Variants in FATE1 observed in about 807,000 individuals in gnomAD.
FATE1 encodes fetal and adult testis expressed 1.
FATE1 carries 18 observed loss-of-function variants against 16.0 expected under a neutral mutation model. The observed-to-expected ratio is 1.12, with a 90% CI of 0.78 to 1.66. The LOEUF (loss-of-function observed/expected upper bound fraction) is 1.66, where lower values mean the gene tolerates loss of function less well. Among genes scored for constraint, FATE1 ranks in the 40% most tolerant of loss-of-function variants. The pLI is 0.00. For synonymous variants in FATE1, 76 were observed against 56.9 expected, an observed-to-expected ratio of 1.34 and a Z score of -1.51; for missense variants, 169 against 152.7, an observed-to-expected ratio of 1.11 and a Z score of -0.56.
At chrX:151,718,239 G>GAA (rs1569424987) in intron 2 of FATE1, among the ~76,000 whole-genome samples, 217 of 110,801 alleles carry the variant, frequency 2.0e-3, no homozygotes, top group African/African-American at 6.3e-3. Flanking sequence ...AAGAAAGAAA[G>GAA]AGAGAAAGAA....
chrX:151,718,164 GGAA>G (rs2015080885), intron 2 of FATE1, among the ~76,000 whole-genome samples: 1 of 86,247 alleles, frequency 1.2e-5, no homozygotes, highest in African/African-American at 4.9e-5. Context: ...AAGGAAGGAA[GGAA>G]GGAAGGGGAA....
In FATE1 at chrX:151,721,558, G is replaced by A; in HGVS notation, c.341+57G>A. The A allele has an allele frequency of 6.6e-6, 7 of 1,059,566 alleles. No homozygotes were observed. The South Asian group carries it at 9.4e-5, about 14-fold the overall frequency. 87.3% of individuals were successfully genotyped at this position (1,059,566 alleles called of 1,213,427 possible). A position where few individuals can be genotyped will look rare whatever the true frequency, so the allele number is the denominator to read the frequency against. On this transcript the variant is annotated intron_variant, in intron 3 of 4. Coordinates refer to ENST00000370350, the MANE Select transcript of FATE1 (RefSeq NM_033085.3). ...CTCAGACAGGGCCCGGAGTGGGGCA[G>A]AGGGGCTGGTGAGCAGCCTGGCCAG...
In FATE1 at chrX:151,716,090, C is replaced by A. The variant is rs1189961187; in HGVS notation, c.-30C>A. ...TTCCTGGCACCCTGTGCATCCTTAG[C>A]CATAGCTTACAAGAGAACAGCTGGT... On this transcript the variant is annotated 5_prime_UTR_variant, in exon 1 of 5. Coordinates refer to ENST00000370350, the MANE Select transcript of FATE1 (RefSeq NM_033085.3). 7.1e-6 allele frequency: 8 copies of A among 1,130,873 alleles called. No homozygotes were observed. The South Asian group carries it at 1.6e-4, about 23-fold the overall frequency. The allele number at this position is 1,130,873 out of a possible 1,213,427, so 93.2% of individuals were successfully genotyped here.
In FATE1 at chrX:151,721,485, C is replaced by T. The variant is rs748489127; in HGVS notation, c.325C>T (p.Arg109Cys). 45 of 1,209,868 alleles carry T rather than the reference C, an allele frequency of 3.7e-5. No homozygotes were observed. Among genetic ancestry groups the T allele is most frequent in the East Asian group, 5.9e-5 (2 of 33,816 alleles). ...QEYAGNFQGI[R>C]FHYDRNPGTD... The stretch of plus-strand genomic sequence containing the variant: ...GTACGCTGGCAATTTCCAAGGCATA[C>T]GTTTCCATTATGATCGGTAAGAGCT... Residue 109 changes from arginine to cysteine, a missense_variant, in exon 3 of 5, where the codon CGT becomes TGT. Physicochemically the swap from Arg to Cys is radical, Grantham distance 180. Coordinates refer to ENST00000370350, the MANE Select transcript of FATE1 (RefSeq NM_033085.3).
At chrX:151,721,591 T>G in intron 3 of FATE1, 90 bp downstream of exon 3, 1 of 812,944 alleles carries the variant, frequency 1.2e-6, no homozygotes, top group African/African-American at 2.0e-5. Flanking sequence ...CAGGATGGAG[T>G]CATGAGGGCC....
intron 1 of FATE1, 62 bp downstream of exon 1, chrX:151,716,287 G>T: frequency 2.2e-6 from 2 of 924,854 alleles, no homozygotes; most frequent in Non-Finnish European, 3.0e-6. Context: ...GTCTATACCT[G>T]TGCATGTGTG....
chrX:151,718,995 A>G (rs375363816), intron 2 of FATE1, among the ~76,000 whole-genome samples: 229 of 112,161 alleles, frequency 2.0e-3, no homozygotes, highest in African/African-American at 7.2e-3. Flanking sequence ...TTTTGTGTCC[A>G]AAGACAGAAG....
chrX:151,722,505 C>G, intron 4 of FATE1, 123 bp from the exon 5 acceptor site: 1 of 1,050,737 alleles, frequency 9.5e-7, no homozygotes, highest in Non-Finnish European at 1.3e-6. Flanking sequence ...GGGCGCTCCC[C>G]GCTCCACCGC....
chrX:151,716,253 C>T, intron 1 of FATE1, 28 bp downstream of exon 1: 1 of 1,099,628 alleles, frequency 9.1e-7, no homozygotes, highest in Non-Finnish European at 1.2e-6. Context: ...TACCCCTAGG[C>T]TACAGCCAAC....
At position 151,717,332 on chromosome X, in the gene FATE1, A is replaced by C. The variant is rs1483828691; in HGVS notation, c.167A>C (p.Gln56Pro). The change falls in exon 2 of 5, where the codon CAA becomes CCA. Residue 56 changes from glutamine to proline, a missense_variant. Physicochemically the swap from Gln to Pro is moderately conservative, Grantham distance 76 (BLOSUM62 -1). Coordinates refer to ENST00000370350, the MANE Select transcript of FATE1 (RefSeq NM_033085.3). ...TCCCAGAAGAAGCAGAAGTTGGAAC[A>C]AAAAGCTGCTGGCTCTGCTTCAGCC... ...GASQKKQKLE[Q>P]KAAGSASAKR... 1 of 1,208,926 alleles carries C rather than the reference A, an allele frequency of 8.3e-7. No individual in the cohort carries two copies. Among genetic ancestry groups the C allele is most frequent in the South Asian group, 1.8e-5 (1 of 56,891 alleles).
intron 4 of FATE1, among the ~76,000 whole-genome samples, chrX:151,722,254 T>C (rs1368286367): frequency 8.9e-6 from 1 of 111,919 alleles, no homozygotes. Flanking sequence ...ATAAGGGTTC[T>C]ATGTCCAGAG....
At chrX:151,719,753 G>A (rs921388703) in intron 2 of FATE1, among the ~76,000 whole-genome samples, 2 of 112,631 alleles carry the variant, frequency 1.8e-5, no homozygotes, top group Non-Finnish European at 3.7e-5. Flanking sequence ...ACAGAGTGCA[G>A]TGGCAAAGTT....
intron 1 of FATE1, among the ~76,000 whole-genome samples, chrX:151,717,008 A>G (rs1178615263): frequency 8.9e-6 from 1 of 111,851 alleles, no homozygotes; most frequent in Non-Finnish European, 1.9e-5. Context: ...GTTCCTTGAT[A>G]GCTGGAATCT....
intron 2 of FATE1, among the ~76,000 whole-genome samples, chrX:151,718,160 GGAAGGAA>G (rs1569424948): frequency 9.9e-5 from 9 of 90,527 alleles, no homozygotes; most frequent in South Asian, 5.4e-4. Flanking sequence ...AAGGAAGGAA[GGAAGGAA>G]GGAAGGGGAA....
intron 3 of FATE1, 26 bp downstream of exon 3, chrX:151,721,527 T>G: frequency 3.1e-5 from 35 of 1,136,896 alleles, no homozygotes; most frequent in Non-Finnish European, 4.0e-5. Context: ...CTGTGGGCCC[T>G]GGCTGCTCAG....
In FATE1 at chrX:151,722,832, C is replaced by T. The variant is rs2015130968; in HGVS notation, c.*73C>T. ...TTTCTTTCCTCTTTCCCCAGGCCGC[C>T]ACTGCCCTTGCCCCTTTCATCTCCC... On this transcript the variant is annotated 3_prime_UTR_variant, in exon 5 of 5. Coordinates refer to ENST00000370350, the MANE Select transcript of FATE1 (RefSeq NM_033085.3). 1 of 1,125,719 alleles carries T rather than the reference C, an allele frequency of 8.9e-7. No homozygotes were observed. The highest frequency in any genetic ancestry group is 1.2e-6 in the Non-Finnish European group (1 of 840,002). 92.8% of individuals were successfully genotyped at this position (1,125,719 alleles called of 1,213,427 possible). A position where few individuals can be genotyped will look rare whatever the true frequency, so the allele number is the denominator to read the frequency against.
chrX:151,722,208 G>A (rs2015122743), intron 4 of FATE1, among the ~76,000 whole-genome samples: 1 of 111,436 alleles, frequency 9.0e-6, no homozygotes, highest in African/African-American at 3.3e-5. Flanking sequence ...GGGAATAGGG[G>A]CAGATAAAAG....
chrX:151,717,452 G>C, intron 2 of FATE1, 53 bp downstream of exon 2: 2 of 1,153,670 alleles, frequency 1.7e-6, no homozygotes, highest in Non-Finnish European at 2.3e-6. Context: ...TGGGAGTACT[G>C]GTTGTAGGGG....
At chrX:151,722,059 T>C (rs2015121252) in intron 4 of FATE1, 78 bp downstream of exon 4, 4 of 897,979 alleles carry the variant, frequency 4.5e-6, no homozygotes, top group Non-Finnish European at 6.4e-6. Flanking sequence ...GCTGGGGTCC[T>C]GTAGTCCCTT....
Sources: allele counts gnomAD v4.1 joint callset (sites outside exome capture counted in the v4.1 genomes callset), GRCh38; gene constraint gnomAD v4.1.1; transcripts MANE v1.5; gene names NCBI Gene and HGNC (gene_info 2026-07-23, HGNC 2026-07-21).